ADAMTS16: variants seen among roughly 807,000 people sequenced by gnomAD.
ADAMTS16 encodes the protein ADAM metallopeptidase with thrombospondin type 1 motif 16.
ADAMTS16 carries 94 observed loss-of-function variants against 145.8 expected under a neutral mutation model. The ratio of observed to expected loss-of-function variants is 0.64; its 90% CI spans 0.55 to 0.77. ADAMTS16 has a LOEUF of 0.77. Ranked by LOEUF, ADAMTS16 falls within the 30% of genes least tolerant of loss-of-function variation. ADAMTS16 has a pLI of 0.00. For missense variants in ADAMTS16, 1,585 were observed against 1,591.5 expected, an observed-to-expected ratio of 1.00 and a Z score of 0.07; for synonymous variants, 659 against 604.3, an observed-to-expected ratio of 1.09 and a Z score of -1.33.
intron 3 of ADAMTS16, among the ~76,000 whole-genome samples, chr5:5,151,877 C>A (rs1448524984): frequency 2.0e-5 from 3 of 152,146 alleles, no homozygotes; most frequent in Non-Finnish European, 4.4e-5. Flanking sequence ...CTTTGACCTA[C>A]TTCTCCCCAT....
intron 18 of ADAMTS16, among the ~76,000 whole-genome samples, chr5:5,270,420 C>T (rs576276059): frequency 3.6e-4 from 55 of 152,298 alleles, no homozygotes; most frequent in African/African-American, 1.3e-3. Flanking sequence ...TTCCCCACTT[C>T]GGGCATGATC....
intron 7 of ADAMTS16, among the ~76,000 whole-genome samples, chr5:5,191,208 A>G (rs1323084093): frequency 6.6e-6 from 1 of 152,224 alleles, no homozygotes; most frequent in African/African-American, 2.4e-5. Flanking sequence ...ATATTAAATA[A>G]TAACCATGAG....
rs374134979 is a variant in ADAMTS16, at chr5:5,192,390, T to C, written c.1313+600T>C. ...GCTGCTAACAGGGGACTCTAAATGA[T>C]GAAGAACAGTGTCAACCCTCCCATT... On this transcript the variant is annotated intron_variant, in intron 8 of 22. Transcript: ENST00000274181. 5.9e-5 allele frequency among the ~76,000 whole-genome samples: 9 copies of C among 152,320 alleles called. No individual in the cohort carries two copies. The East Asian group carries it at 1.7e-3, about 29-fold the overall frequency.
At chr5:5,316,790 C>T (rs1409844834) in intron 21 of ADAMTS16, among the ~76,000 whole-genome samples, 1 of 152,190 alleles carries the variant, frequency 6.6e-6, no homozygotes, top group East Asian at 1.9e-4. Flanking sequence ...TAAAGATTGG[C>T]TTGTCAAGCT....
chr5:5,209,419 G>A (rs188880115), intron 10 of ADAMTS16, among the ~76,000 whole-genome samples, 173 bp downstream of exon 10: 10 of 152,248 alleles, frequency 6.6e-5, no homozygotes, highest in South Asian at 4.2e-4. Flanking sequence ...CAAAGAAGAC[G>A]ACAGGAGATA....
chr5:5,157,326 T>C (rs1160093838), intron 3 of ADAMTS16, among the ~76,000 whole-genome samples: 1 of 152,036 alleles, frequency 6.6e-6, no homozygotes, highest in East Asian at 1.9e-4. Flanking sequence ...TGATAACAAA[T>C]GGAAATACCA....
In ADAMTS16 at chr5:5,319,552, AC is replaced by A. The variant is rs1405580703; in HGVS notation, c.*419del. On this transcript the variant is annotated 3_prime_UTR_variant, in exon 23 of 23. Coordinates refer to ENST00000274181, the MANE Select transcript of ADAMTS16 (RefSeq NM_139056.4). ...AATAAGGAAAACATACAAAATATGTACCCCCTAGTTCACCAGCCTCCCCTCC... is the reference window on the plus strand; with the variant it reads ...AATAAGGAAAACATACAAAATATGTACCCCTAGTTCACCAGCCTCCCCTCC... 17 of 294,966 alleles carry A rather than the reference AC, an allele frequency of 5.8e-5. No homozygotes were observed. The highest frequency in any genetic ancestry group is 8.5e-5 in the Non-Finnish European group (13 of 152,826). The allele number at this position is 294,966 out of a possible 1,614,324, so 18.3% of individuals were successfully genotyped here. A position where few individuals can be genotyped will look rare whatever the true frequency, so the allele number is the denominator to read the frequency against.
rs902143051 is a variant in ADAMTS16, at chr5:5,212,177, A to C, written c.1605+2931A>C. Among the ~76,000 whole-genome samples the C allele has an allele frequency of 1.0e-4, 15 of 144,972 alleles. No individual in the cohort carries two copies. In the South Asian group the frequency reaches 3.4e-3, roughly 33 times the overall value. The stretch of plus-strand genomic sequence containing the variant: ...TGTTTCTATTTCTCATGTTAGTACT[A>C]TTAGTTTCTGGGGTTTTTTTTGTTT... On this transcript the variant is annotated intron_variant, in intron 10 of 22. Transcript: ENST00000274181.
At chr5:5,296,717 C>T (rs975169163) in intron 18 of ADAMTS16, among the ~76,000 whole-genome samples, 14 of 152,144 alleles carry the variant, frequency 9.2e-5, no homozygotes, top group East Asian at 1.9e-4. Flanking sequence ...GAGAGCCCCA[C>T]GGCAGCTGCC....
rs77939150 is a variant in ADAMTS16, at chr5:5,223,003, C to T, written c.1701+119C>T. ...TGTATTTCTCATATACATATGCATACCCATGCTCCTATCAAACACTGTGTT... is the reference window on the plus strand; with the variant it reads ...TGTATTTCTCATATACATATGCATATCCATGCTCCTATCAAACACTGTGTT... On this transcript the variant is annotated intron_variant, in intron 11 of 22. Transcript: ENST00000274181. 2.3e-3 allele frequency: 1,678 copies of T among 732,100 alleles called. 23 individuals carry two copies. The African/African-American group carries it at 0.026, about 11-fold the overall frequency. The allele number at this position is 732,100 out of a possible 1,614,324, so 45.4% of individuals were successfully genotyped here. A position where few individuals can be genotyped will look rare whatever the true frequency, so the allele number is the denominator to read the frequency against.
intron 3 of ADAMTS16, among the ~76,000 whole-genome samples, chr5:5,161,020 T>C (rs59684823): frequency 0.037 from 5,680 of 152,306 alleles, 351 homozygotes; most frequent in African/African-American, 0.13. Context: ...GCCCATACCT[T>C]AGTAATCACA....
intron 18 of ADAMTS16, among the ~76,000 whole-genome samples, chr5:5,279,508 A>G (rs1036493870): frequency 6.6e-6 from 1 of 151,750 alleles, no homozygotes; most frequent in Non-Finnish European, 1.5e-5. Context: ...ATTTTCACTC[A>G]TTTGCTGAGT....
At chr5:5,233,866 G>A (rs1194269154) in intron 12 of ADAMTS16, among the ~76,000 whole-genome samples, 1 of 152,164 alleles carries the variant, frequency 6.6e-6, no homozygotes, top group Non-Finnish European at 1.5e-5. Context: ...CTCAGTAATG[G>A]GATTGCTGGG....
intron 9 of ADAMTS16, among the ~76,000 whole-genome samples, chr5:5,202,316 G>C (rs537837928): frequency 6.6e-6 from 1 of 152,080 alleles, no homozygotes; most frequent in African/African-American, 2.4e-5. Context: ...CAGTTTGGAC[G>C]ATATGTGTAT....
Position 5,209,366 on chromosome 5 carries a change from G to C in ADAMTS16, c.1605+120G>C. 9 of 1,204,566 alleles carry C rather than the reference G, an allele frequency of 7.5e-6. No individual in the cohort carries two copies. In the South Asian group the frequency reaches 9.3e-5, roughly 12 times the overall value. 74.6% of individuals were successfully genotyped at this position (1,204,566 alleles called of 1,614,324 possible). ...ACCTACCAAATGTCAAATCCTGTAT[G>C]TTAAGGCTGGTCCTGTATAACGGGA... On this transcript the variant is annotated intron_variant, in intron 10 of 22. Coordinates refer to ENST00000274181, the MANE Select transcript of ADAMTS16 (RefSeq NM_139056.4).
intron 8 of ADAMTS16, among the ~76,000 whole-genome samples, chr5:5,196,553 C>T (rs776476038): frequency 6.6e-6 from 1 of 152,182 alleles, no homozygotes; most frequent in Non-Finnish European, 1.5e-5. Flanking sequence ...TCAGTTCTTA[C>T]CAATTTTATT....
rs534256452 is a variant in ADAMTS16 at position 5,207,689 on chromosome 5, C to T, written c.1452-1404C>T. On this transcript the variant is annotated intron_variant, in intron 9 of 22. Transcript: ENST00000274181. ...TATATTTTTTGTAGATGGAAGTTCT[C>T]CTCTATTCCTAGTTTGCTGGGATTT... Among the ~76,000 whole-genome samples the T allele has an allele frequency of 4.0e-5, 6 of 148,248 alleles. No homozygotes were observed. The South Asian group carries it at 1.4e-3, about 33-fold the overall frequency.
chr5:5,237,195 C>A (rs995074477), intron 14 of ADAMTS16, 96 bp downstream of exon 14: 3 of 1,332,410 alleles, frequency 2.3e-6, no homozygotes, highest in Admixed American at 2.3e-5. Context: ...ACATATGAGA[C>A]AAGCCTTTCC....
chr5:5,243,287 AG>A (rs2126394280), intron 17 of ADAMTS16, among the ~76,000 whole-genome samples: 1 of 152,354 alleles, frequency 6.6e-6, no homozygotes, highest in South Asian at 2.1e-4. Flanking sequence ...ATACTGTCTT[AG>A]GAAAAACATG....
Sources: allele counts gnomAD v4.1 joint callset (sites outside exome capture counted in the v4.1 genomes callset), GRCh38; gene constraint gnomAD v4.1.1; transcripts MANE v1.5; gene names NCBI Gene and HGNC (gene_info 2026-07-23, HGNC 2026-07-21).